The following AK8 variants were observed in gnomAD, a reference collection of about 807,000 sequenced individuals.
AK8 encodes the protein adenylate kinase 8.
Under a neutral mutation model 54.6 loss-of-function variants are expected in AK8, and 44 were observed. The observed-to-expected ratio is 0.81, with a 90% CI of 0.63 to 1.04. The LOEUF is 1.04. AK8 is among the 50% of genes least tolerant of loss of function. The probability of loss-of-function intolerance (pLI) is 0.00; values close to 1 mark genes in which losing one functional copy is unlikely to be tolerated. For missense variants in AK8, 555 were observed against 613.6 expected (o/e 0.90, Z 1.01); for synonymous variants, 239 against 245.6 (o/e 0.97, Z 0.25).
rs1357414335 is a variant in AK8 at position 132,791,633 on chromosome 9, C to G, written c.1121+1001G>C. 1.3e-5 allele frequency among the ~76,000 whole-genome samples: 2 copies of G among 152,168 alleles called. No homozygotes were observed. The highest frequency in any genetic ancestry group is 1.3e-4 in the Admixed American group (2 of 15,282). On this transcript the variant is annotated intron_variant, in intron 11 of 12. Coordinates refer to ENST00000298545, the MANE Select transcript of AK8 (RefSeq NM_152572.3). The surrounding 1 kb of genome is among the most constrained non-coding windows in gnomAD (Gnocchi z 4.0). The stretch of plus-strand genomic sequence containing the variant: ...GTAGTTAAACAGAGAGGTACTACTG[C>G]AGAAATAGACACTCAGAAAAGAGAA...
chr9:132,787,780 C>T (rs945864724), intron 11 of AK8, among the ~76,000 whole-genome samples: 1 of 152,126 alleles, frequency 6.6e-6, no homozygotes, highest in Non-Finnish European at 1.5e-5. Context: ...ATTTAGAACA[C>T]ATGTGTTTCC....
chr9:132,827,304 T>TA, intron 7 of AK8: 1 of 567,400 alleles, frequency 1.8e-6, no homozygotes. Context: ...TCTGAGCACT[T>TA]ACTCTGTGCC....
At chr9:132,760,300 A>G (rs1838394401) in intron 11 of AK8, among the ~76,000 whole-genome samples, 1 of 151,944 alleles carries the variant, frequency 6.6e-6, no homozygotes. Context: ...CTCCCACCTC[A>G]GTCTCCCAGT....
At position 132,826,044 on chromosome 9, in the gene AK8, A is replaced by G. The variant is rs533988413; in HGVS notation, c.757+810T>C. 1.3e-5 allele frequency among the ~76,000 whole-genome samples: 2 copies of G among 152,318 alleles called. No homozygotes were observed. The highest frequency in any genetic ancestry group is 4.1e-4 in the South Asian group (2 of 4,824). The stretch of plus-strand genomic sequence containing the variant: ...CTTGCCTTTTTGGGCAGGGTGTTGA[A>G]CAATGATAGGAGCTATGACGACTGA... On this transcript the variant is annotated intron_variant, in intron 8 of 12. Transcript: ENST00000298545. The surrounding 1 kb of genome is among the most constrained non-coding windows in gnomAD (Gnocchi z 4.5).
intron 5 of AK8, among the ~76,000 whole-genome samples, chr9:132,844,297 C>CAA (rs35309762): frequency 0.08 from 7,352 of 92,412 alleles, 224 homozygotes; most frequent in Admixed American, 0.11. Flanking sequence ...TGCATTAGAC[C>CAA]AAAAAAAAAA....
At chr9:132,844,116 T>TA (rs1173348225) in intron 5 of AK8, among the ~76,000 whole-genome samples, 1 of 152,164 alleles carries the variant, frequency 6.6e-6, no homozygotes, top group Non-Finnish European at 1.5e-5. Flanking sequence ...TTCTTTGCCC[T>TA]ACAGGGGTAG....
At chr9:132,726,044 G>A (rs2130922707) in intron 12 of AK8, 119 bp from the exon 13 acceptor site, 1 of 796,496 alleles carries the variant, frequency 1.3e-6, no homozygotes, top group Non-Finnish European at 2.1e-6. Flanking sequence ...ACCATCACCA[G>A]CCATTTACTA....
Position 132,878,052 on chromosome 9 carries a change from T to C in AK8, c.84+120A>G, listed in dbSNP as rs1844219246. On this transcript the variant is annotated intron_variant, in intron 1 of 12. Transcript: ENST00000298545. The surrounding 1 kb of genome is among the most constrained non-coding windows in gnomAD (Gnocchi z 4.7). The stretch of plus-strand genomic sequence containing the variant: ...GACACACGAATCGTACATCCCGAGT[T>C]GGGCTGCTTCGTGGGCGCGCGACTC... 6.5e-7 allele frequency: 1 copy of C among 1,534,572 alleles called. No homozygotes were observed. The highest frequency in any genetic ancestry group is 8.8e-7 in the Non-Finnish European group (1 of 1,135,222).
At chr9:132,846,943 G>C (rs1221006468) in intron 5 of AK8, among the ~76,000 whole-genome samples, 1 of 152,254 alleles carries the variant, frequency 6.6e-6, no homozygotes, top group African/African-American at 2.4e-5. Context: ...AGTGCCTGAT[G>C]CCAGGCTCAG....
intron 11 of AK8, among the ~76,000 whole-genome samples, chr9:132,780,493 G>A (rs1382885712): frequency 5.9e-5 from 9 of 152,162 alleles, no homozygotes; most frequent in African/African-American, 9.7e-5. Context: ...CAGCACCAAC[G>A]GGGAGCCATA....
chr9:132,787,990 A>G (rs1839787150), intron 11 of AK8, among the ~76,000 whole-genome samples: 4 of 152,118 alleles, frequency 2.6e-5, no homozygotes, highest in Admixed American at 2.6e-4. Context: ...CAGTAAGCCT[A>G]GAAAAAAACC....
chr9:132,860,938 A>C lies in AK8; in HGVS notation c.333+2727T>G, dbSNP rs1843361970. 6.6e-6 allele frequency among the ~76,000 whole-genome samples: 1 copy of C among 152,206 alleles called. No individual in the cohort carries two copies. Among genetic ancestry groups the C allele is most frequent in the South Asian group, 2.1e-4 (1 of 4,828 alleles). On this transcript the variant is annotated intron_variant, in intron 4 of 12. Coordinates refer to ENST00000298545, the MANE Select transcript of AK8 (RefSeq NM_152572.3). The surrounding 1 kb of genome is among the most constrained non-coding windows in gnomAD (Gnocchi z 4.4). ...ACTAAAACACCCATGGGGAAGGTCA[A>C]ATGCTGTCTGGGTTTGCTTTAAAAT...
chr9:132,758,803 T>C (rs1267610183), intron 11 of AK8, among the ~76,000 whole-genome samples: 1 of 152,152 alleles, frequency 6.6e-6, no homozygotes, highest in Non-Finnish European at 1.5e-5. Flanking sequence ...TTGGCCCTTG[T>C]GTTTTTTCTT....
chr9:132,793,656 C>G (rs74541369), intron 10 of AK8, among the ~76,000 whole-genome samples: 5 of 152,334 alleles, frequency 3.3e-5, no homozygotes, highest in Admixed American at 1.3e-4. Context: ...TGAGAAGCCT[C>G]TTGTTTACAT....
chr9:132,781,326 C>T lies in AK8; in HGVS notation c.1121+11308G>A, dbSNP rs149084084. ...TTGGAATCAAGAGATTGATACTGCT[C>T]AGTGGAATATAATTTAGTATTATGT... On this transcript the variant is annotated intron_variant, in intron 11 of 12. Transcript: ENST00000298545. This position sits in a 1 kb window ranked among gnomAD's most constrained non-coding sequence, Gnocchi z 4.6. Among the ~76,000 whole-genome samples the T allele has an allele frequency of 1.9e-3, 293 of 152,140 alleles. 2 individuals carry two copies. Among genetic ancestry groups the T allele is most frequent in the African/African-American group, 5.7e-3 (238 of 41,514 alleles).
At chr9:132,846,582 C>T (rs945755627) in intron 5 of AK8, among the ~76,000 whole-genome samples, 3 of 152,178 alleles carry the variant, frequency 2.0e-5, no homozygotes, top group Admixed American at 6.5e-5. Context: ...ACTGGGGAGC[C>T]GGGTAGGCCA....
chr9:132,733,902 C>T (rs1203955166), intron 11 of AK8, among the ~76,000 whole-genome samples: 1 of 152,116 alleles, frequency 6.6e-6, no homozygotes, highest in Admixed American at 6.5e-5. Context: ...CCTGGGATTG[C>T]AGAACTTCAG....
At chr9:132,848,932 G>A (rs868276468) in intron 5 of AK8, among the ~76,000 whole-genome samples, 4 of 134,450 alleles carry the variant, frequency 3.0e-5, no homozygotes, top group African/African-American at 5.9e-5. Flanking sequence ...TTTTTGACAC[G>A]GAGTCTCACT....
intron 2 of AK8, among the ~76,000 whole-genome samples, chr9:132,873,486 G>A (rs1843947932): frequency 6.6e-6 from 1 of 152,214 alleles, no homozygotes; most frequent in Non-Finnish European, 1.5e-5. Flanking sequence ...CTTTCCACTC[G>A]CTCTTGGTTG....
Sources: allele counts gnomAD v4.1 joint callset (sites outside exome capture counted in the v4.1 genomes callset), GRCh38; gene constraint gnomAD v4.1.1; non-coding constraint Gnocchi (gnomAD v3.1); transcripts MANE v1.5; gene names NCBI Gene and HGNC (gene_info 2026-07-23, HGNC 2026-07-21).